Variants in NRXN3 observed in about 807,000 individuals in gnomAD.
NRXN3 encodes the protein neurexin III.
A neutral mutation model predicts 137.6 loss-of-function variants in NRXN3; 32 were observed. The observed-to-expected ratio is 0.23, with a 90% CI of 0.18 to 0.31. NRXN3 has a LOEUF of 0.31. NRXN3 is among the 10% of genes least tolerant of loss of function. The pLI, the probability that NRXN3 is intolerant of heterozygous loss-of-function variation, is 1.00. For missense variants in NRXN3, 1,574 were observed against 2,062.5 expected (o/e 0.76, Z 4.59); for synonymous variants, 798 against 784.5 (o/e 1.02, Z -0.29).
intron 11 of NRXN3, among the ~76,000 whole-genome samples, chr14:78,964,854 G>A (rs1390791406): frequency 6.6e-6 from 1 of 151,534 alleles, no homozygotes; most frequent in Non-Finnish European, 1.5e-5. Flanking sequence ...GGTAAAATAG[G>A]TAATACAAGT....
intron 8 of NRXN3, among the ~76,000 whole-genome samples, chr14:78,728,034 G>T (rs978379630): frequency 6.6e-6 from 1 of 152,142 alleles, no homozygotes; most frequent in Non-Finnish European, 1.5e-5. Flanking sequence ...TATATAACTT[G>T]CCCAAAGTTA....
chr14:78,338,375 T>C (rs1229488240), intron 4 of NRXN3, among the ~76,000 whole-genome samples: 1 of 152,246 alleles, frequency 6.6e-6, no homozygotes, highest in Non-Finnish European at 1.5e-5. Context: ...GAAATTCCTA[T>C]TGAACAGAGC....
chr14:78,187,136 G>A (rs894660892), intron 1 of NRXN3, among the ~76,000 whole-genome samples: 9 of 152,182 alleles, frequency 5.9e-5, no homozygotes, highest in African/African-American at 2.2e-4. Flanking sequence ...AGCCCCATGA[G>A]GCAGGTATTA....
intron 10 of NRXN3, among the ~76,000 whole-genome samples, chr14:78,839,426 C>T (rs970558289): frequency 6.6e-6 from 1 of 152,174 alleles, no homozygotes; most frequent in Admixed American, 6.5e-5. Flanking sequence ...CAATGGAGCT[C>T]ATGTACTTTC....
At chr14:79,329,705 G>A (rs1471989736) in intron 15 of NRXN3, among the ~76,000 whole-genome samples, 2 of 152,194 alleles carry the variant, frequency 1.3e-5, no homozygotes, top group African/African-American at 4.8e-5. Flanking sequence ...TTTGAGAATT[G>A]CTTAGCTAGT....
intron 20 of NRXN3, among the ~76,000 whole-genome samples, chr14:79,815,809 A>G (rs956478065): frequency 2.6e-5 from 4 of 152,324 alleles, no homozygotes; most frequent in Middle Eastern, 3.4e-3. Flanking sequence ...GTACACAATT[A>G]TATGGCTTTT....
At chr14:79,579,017 T>C (rs1409569657) in intron 16 of NRXN3, among the ~76,000 whole-genome samples, 3 of 152,142 alleles carry the variant, frequency 2.0e-5, no homozygotes, top group African/African-American at 7.2e-5. Context: ...AAAATTGCTC[T>C]TCAGTTTTAA....
rs144716194 is a variant in NRXN3, at chr14:79,125,828, C to T, written c.3262+137687C>T. Among the ~76,000 whole-genome samples, 186 of 152,230 alleles carry T rather than the reference C, an allele frequency of 1.2e-3. 1 individual carries two copies. The highest frequency in any genetic ancestry group is 4.3e-3 in the African/African-American group (178 of 41,536). ...TTCATCTCTCGCTGATGATTGTCAA[C>T]TGCAATGACACCGTACTTTTATACA... On this transcript the variant is annotated intron_variant, in intron 15 of 20. Transcript: ENST00000335750.
chr14:78,331,736 A>G (rs1222644223), intron 4 of NRXN3, among the ~76,000 whole-genome samples: 1 of 152,224 alleles, frequency 6.6e-6, no homozygotes, highest in Non-Finnish European at 1.5e-5. Flanking sequence ...CTGAAGGACA[A>G]TGACTGACAT....
chr14:78,250,969 A>G (rs1386412221), intron 2 of NRXN3, among the ~76,000 whole-genome samples: 5 of 152,130 alleles, frequency 3.3e-5, no homozygotes, highest in Non-Finnish European at 7.3e-5. Flanking sequence ...AGAGAGAGAG[A>G]GAGGGAGAAT....
rs546989661 is a variant in NRXN3 at position 79,150,156 on chromosome 14, A to G, written c.3262+162015A>G. 3.9e-5 allele frequency among the ~76,000 whole-genome samples: 6 copies of G among 152,166 alleles called. No homozygotes were observed. The East Asian group carries it at 1.2e-3, about 30-fold the overall frequency. On this transcript the variant is annotated intron_variant, in intron 15 of 20. Transcript: ENST00000335750. The stretch of plus-strand genomic sequence containing the variant: ...TGACTATGGACTATCCACATCACAA[A>G]TTATGGGTTCCAGTGTGTATATGGA...
chr14:79,665,738 T>C (rs1370915213), intron 17 of NRXN3, among the ~76,000 whole-genome samples: 1 of 152,182 alleles, frequency 6.6e-6, no homozygotes, highest in Non-Finnish European at 1.5e-5. Context: ...TTAATGGTCA[T>C]TTTTAAAGCC....
At chr14:78,176,917 G>T (rs1297578750) in intron 1 of NRXN3, among the ~76,000 whole-genome samples, 3 of 152,110 alleles carry the variant, frequency 2.0e-5, no homozygotes, top group African/African-American at 7.2e-5. Context: ...AGAGGTCAGG[G>T]TTTCATGGCT....
At chr14:79,438,649 T>C (rs1184579507) in intron 15 of NRXN3, among the ~76,000 whole-genome samples, 2 of 152,224 alleles carry the variant, frequency 1.3e-5, no homozygotes, top group Non-Finnish European at 2.9e-5. Context: ...GCCAGTAACT[T>C]CTAGTTTTTA....
rs573556738 is a variant in NRXN3 at position 78,811,208 on chromosome 14, C to G, written c.2275+864C>G. On this transcript the variant is annotated intron_variant, in intron 10 of 20. Coordinates refer to ENST00000335750, the MANE Select transcript of NRXN3 (RefSeq NM_001330195.2). Reference sequence around the variant, plus strand: ...AAGCAATCCCAACATTATAATGGCTCAACAAAAGAAGGTTTTATTTCTTGT... The same window carrying G: ...AAGCAATCCCAACATTATAATGGCTGAACAAAAGAAGGTTTTATTTCTTGT... Among the ~76,000 whole-genome samples the G allele has an allele frequency of 3.2e-4, 49 of 152,248 alleles. 1 individual carries two copies. The highest frequency in any genetic ancestry group is 9.2e-4 in the Admixed American group (14 of 15,292).
chr14:78,926,958 A>T (rs1339735731), intron 10 of NRXN3, among the ~76,000 whole-genome samples: 1 of 36,330 alleles, frequency 2.8e-5, no homozygotes, highest in East Asian at 1.3e-3. Context: ...AATATATATA[A>T]TATATATATA....
At chr14:78,795,167 G>A (rs1397708457) in intron 8 of NRXN3, among the ~76,000 whole-genome samples, 1 of 152,120 alleles carries the variant, frequency 6.6e-6, no homozygotes, top group African/African-American at 2.4e-5. Context: ...AAAGACCGAG[G>A]AAATCATAAC....
intron 4 of NRXN3, among the ~76,000 whole-genome samples, chr14:78,643,761 C>T (rs1431179949): frequency 1.3e-5 from 2 of 152,148 alleles, no homozygotes; most frequent in Non-Finnish European, 2.9e-5. Context: ...TTGCCCCAGC[C>T]TAATGGAGAA....
At chr14:78,588,621 C>T (rs1293763526) in intron 4 of NRXN3, among the ~76,000 whole-genome samples, 2 of 152,158 alleles carry the variant, frequency 1.3e-5, no homozygotes. Flanking sequence ...TAAATCAGTA[C>T]GATAATACTC....
Sources: allele counts gnomAD v4.1 joint callset (sites outside exome capture counted in the v4.1 genomes callset), GRCh38; gene constraint gnomAD v4.1.1; transcripts MANE v1.5; gene names NCBI Gene and HGNC (gene_info 2026-07-23, HGNC 2026-07-21).